Variants in SPAG7 observed in about 807,000 individuals in gnomAD.
SPAG7 encodes sperm-associated antigen 7.
SPAG7 carries 20 observed loss-of-function variants against 30.6 expected under a neutral mutation model. The ratio of observed to expected loss-of-function variants is 0.65; its 90% CI spans 0.46 to 0.95. SPAG7 has a LOEUF of 0.95. SPAG7 is among the 40% of genes least tolerant of loss of function. The pLI is 0.00. For missense variants in SPAG7, 276 were observed against 291.1 expected (o/e 0.95, Z 0.38); for synonymous variants, 127 against 104.2 (o/e 1.22, Z -1.33).
chr17:4,966,702 A>G, intron 1 of SPAG7: 1 of 985,364 alleles, frequency 1.0e-6, no homozygotes, highest in Non-Finnish European at 1.2e-6. Context: ...TGGTTATTAA[A>G]CTTACGTGTG....
intron 1 of SPAG7, among the ~76,000 whole-genome samples, chr17:4,963,414 CA>C (rs1467924116): frequency 4.7e-5 from 7 of 148,692 alleles, no homozygotes; most frequent in Non-Finnish European, 8.9e-5. Flanking sequence ...ACCCTGGCCT[CA>C]AAGAGTCTGT....
At chr17:4,967,194 G>T (rs535275367) in intron 1 of SPAG7, 1 of 988,706 alleles carries the variant, frequency 1.0e-6, no homozygotes. Context: ...GAGGCAGAAG[G>T]GACTGGGTTA....
intron 1 of SPAG7, among the ~76,000 whole-genome samples, 194 bp from the exon 2 acceptor site, chr17:4,961,047 G>T (rs576201944): frequency 6.6e-6 from 1 of 152,302 alleles, no homozygotes; most frequent in East Asian, 1.9e-4. Context: ...TTCATTCCAA[G>T]ACCCTCAGTG....
intron 1 of SPAG7, among the ~76,000 whole-genome samples, chr17:4,963,449 G>T (rs1320586615): frequency 1.4e-5 from 2 of 145,958 alleles, no homozygotes; most frequent in African/African-American, 5.2e-5. Context: ...CAGGAAAGGG[G>T]AATTTTTTTT....
intron 1 of SPAG7, among the ~76,000 whole-genome samples, chr17:4,963,034 T>C (rs1971890034): frequency 6.6e-6 from 1 of 151,970 alleles, no homozygotes. Flanking sequence ...TCCAAAGTGC[T>C]GGGATTATAG....
chr17:4,967,298 G>A, intron 1 of SPAG7: 1 of 891,936 alleles, frequency 1.1e-6, no homozygotes, highest in Non-Finnish European at 1.4e-6. Context: ...GAACAGGCCT[G>A]AGGAGGCAGA....
intron 6 of SPAG7, 46 bp from the exon 7 acceptor site, chr17:4,959,689 C>G: frequency 1.3e-5 from 21 of 1,613,424 alleles, no homozygotes; most frequent in Non-Finnish European, 1.8e-5. Context: ...ATCCGTACCT[C>G]AGCCTCCACT....
chr17:4,959,951 C>T, intron 5 of SPAG7, 35 bp from the exon 6 acceptor site: 1 of 1,612,822 alleles, frequency 6.2e-7, no homozygotes, highest in Non-Finnish European at 8.5e-7. Flanking sequence ...GTGCTCAGGG[C>T]CCCAGCCCAA....
intron 2 of SPAG7, 38 bp downstream of exon 2, chr17:4,960,748 T>C (rs761449033): frequency 6.3e-7 from 1 of 1,592,354 alleles, no homozygotes; most frequent in Non-Finnish European, 8.6e-7. Flanking sequence ...TTGGAAGTCC[T>C]TCCTGAGTCT....
intron 1 of SPAG7, among the ~76,000 whole-genome samples, chr17:4,965,570 T>C (rs1212499974): frequency 6.6e-6 from 1 of 152,100 alleles, no homozygotes; most frequent in Non-Finnish European, 1.5e-5. Context: ...GCAGGGACCC[T>C]GTTGATCTAC....
chr17:4,966,068 C>G (rs34235023), intron 1 of SPAG7: 125,665 of 152,118 alleles, frequency 0.83, 52,696 homozygotes, highest in African/African-American at 0.93. Flanking sequence ...GGCCAGGATG[C>G]TCTCGATCTC....
At chr17:4,960,400 G>C (rs1327136027) in intron 3 of SPAG7, 59 bp downstream of exon 3, 1 of 1,588,710 alleles carries the variant, frequency 6.3e-7, no homozygotes, top group African/African-American at 1.3e-5. Flanking sequence ...CCCCCCGCTG[G>C]CCCTTTCATG....
At chr17:4,963,082 G>A (rs73343386) in intron 1 of SPAG7, among the ~76,000 whole-genome samples, 4,662 of 151,376 alleles carry the variant, frequency 0.031, 233 homozygotes, top group African/African-American at 0.11. Flanking sequence ...TTAGTTCTTT[G>A]TACATTGTGG....
intron 1 of SPAG7, among the ~76,000 whole-genome samples, chr17:4,967,381 C>G (rs1367566075): frequency 1.3e-5 from 2 of 152,226 alleles, no homozygotes; most frequent in South Asian, 2.1e-4. Context: ...CGAAATAGAG[C>G]TAGAGGTGAG....
intron 1 of SPAG7, among the ~76,000 whole-genome samples, chr17:4,963,489 C>G (rs571328067): frequency 7.9e-6 from 1 of 126,344 alleles, no homozygotes; most frequent in African/African-American, 3.1e-5. Flanking sequence ...GATGGAATCT[C>G]GCTTTGTCGC....
At chr17:4,959,667 G>GA (rs1567675659) in intron 6 of SPAG7, 24 bp from the exon 7 acceptor site, 1 of 1,613,118 alleles carries the variant, frequency 6.2e-7, no homozygotes, top group East Asian at 2.2e-5. Context: ...GGAGGGTAGG[G>GA]CGGGCCTAGA....
chr17:4,967,253 G>C (rs1238594100), intron 1 of SPAG7: 9 of 998,458 alleles, frequency 9.0e-6, no homozygotes, highest in Non-Finnish European at 1.1e-5. Flanking sequence ...CAACCAATGG[G>C]AATTCGCAGG....
intron 1 of SPAG7, among the ~76,000 whole-genome samples, 191 bp downstream of exon 1, chr17:4,967,525 GCTAT>G (rs1349232518): frequency 1.3e-5 from 2 of 151,682 alleles, no homozygotes; most frequent in Non-Finnish European, 2.9e-5. Flanking sequence ...GGAGGCTGGC[GCTAT>G]CTTTCAGGTA....
In SPAG7 at chr17:4,959,464, A is replaced by G; in HGVS notation, c.*70T>C. 7.8e-7 allele frequency: 1 copy of G among 1,275,770 alleles called. No individual in the cohort carries two copies. The allele number at this position is 1,275,770 out of a possible 1,614,324, so 79.0% of individuals were successfully genotyped here. On this transcript the variant is annotated 3_prime_UTR_variant, in exon 7 of 7. Transcript: ENST00000206020. ...GAGGTGGGGCTCCAGGATGGGCTCTAATAGCAGCAGCCTTGTCTCTCCCTG... is the reference window on the plus strand; with the variant it reads ...GAGGTGGGGCTCCAGGATGGGCTCTGATAGCAGCAGCCTTGTCTCTCCCTG...
Sources: allele counts gnomAD v4.1 joint callset (sites outside exome capture counted in the v4.1 genomes callset), GRCh38; gene constraint gnomAD v4.1.1; transcripts MANE v1.5; gene names NCBI Gene and HGNC (gene_info 2026-07-23, HGNC 2026-07-21).